SHPRH: variants seen among roughly 807,000 people sequenced by gnomAD.
SHPRH encodes E3 ubiquitin-protein ligase SHPRH.
SHPRH carries 106 observed loss-of-function variants against 202.5 expected under a neutral mutation model. That is an observed-to-expected ratio of 0.52 (90% CI 0.45 to 0.62). The LOEUF is 0.62. Among genes scored for constraint, SHPRH ranks in the 20% least tolerant of loss-of-function variants. The pLI is 0.00. For synonymous variants in SHPRH, 729 were observed against 686.0 expected (o/e 1.06, Z -0.98); for missense variants, 1,710 against 2,020.0 (o/e 0.85, Z 2.94).
intron 2 of SHPRH, among the ~76,000 whole-genome samples, chr6:145,872,513 G>A (rs546185700): frequency 1.3e-5 from 2 of 152,134 alleles, no homozygotes; most frequent in African/African-American, 4.8e-5. Flanking sequence ...ATTCAGGATG[G>A]TGATTATTAA....
intron 11 of SHPRH, among the ~76,000 whole-genome samples, chr6:145,940,445 T>C (rs1455986211): frequency 6.7e-6 from 1 of 148,664 alleles, no homozygotes; most frequent in Non-Finnish European, 1.5e-5. Context: ...CTAATTTTAA[T>C]TCAGACCTAT....
chr6:145,948,436 A>G lies in SHPRH; in HGVS notation c.983-86T>C. 3 of 1,013,520 alleles carry G rather than the reference A, an allele frequency of 3.0e-6. No homozygotes were observed. The South Asian group carries it at 5.2e-5, about 18-fold the overall frequency. The allele number at this position is 1,013,520 out of a possible 1,614,324, so 62.8% of individuals were successfully genotyped here. A position where few individuals can be genotyped will look rare whatever the true frequency, so the allele number is the denominator to read the frequency against. ...TTAAAAAAAGAATAGGTTAACAGTG[A>G]GGATACTCTGGCATAGTGATACCCA... On this transcript the variant is annotated intron_variant, in intron 4 of 29. Transcript: ENST00000275233.
At chr6:145,917,936 C>G (rs1010290737) in intron 23 of SHPRH, 195 bp downstream of exon 23, 13 of 417,862 alleles carry the variant, frequency 3.1e-5, no homozygotes, top group Non-Finnish European at 5.6e-5. Context: ...TCTATATCAT[C>G]TGCATAATAA....
chr6:145,877,139 A>T (rs935126303), intron 2 of SHPRH, among the ~76,000 whole-genome samples: 39 of 152,226 alleles, frequency 2.6e-4, no homozygotes, highest in African/African-American at 9.2e-4. Context: ...CAGACTGTTC[A>T]TATGAGTTTT....
At chr6:145,912,930 G>A (rs1384340849) in intron 24 of SHPRH, among the ~76,000 whole-genome samples, 1 of 151,886 alleles carries the variant, frequency 6.6e-6, no homozygotes, top group Non-Finnish European at 1.5e-5. Flanking sequence ...GGAGAATATG[G>A]TTCTACCATG....
intron 23 of SHPRH, among the ~76,000 whole-genome samples, chr6:145,915,389 T>C (rs528668475): frequency 2.6e-5 from 4 of 151,966 alleles, no homozygotes; most frequent in Admixed American, 6.6e-5. Flanking sequence ...TCTTCATTCC[T>C]TACTGTAGTT....
chr6:145,931,331 TTTTAA>T (rs1487923335), intron 14 of SHPRH, among the ~76,000 whole-genome samples: 1 of 151,834 alleles, frequency 6.6e-6, no homozygotes, highest in Non-Finnish European at 1.5e-5. Context: ...TTTTGAAGAT[TTTTAA>T]TTTATTATTT....
chr6:145,911,758 T>C lies in SHPRH; in HGVS notation c.4327-1122A>G, dbSNP rs535709254. 7.2e-5 allele frequency among the ~76,000 whole-genome samples: 11 copies of C among 152,194 alleles called. No individual in the cohort carries two copies. The South Asian group carries it at 2.3e-3, about 32-fold the overall frequency. ...AGATTCTTTGCTGGATCATCTAAGATGCTCTTTGGAAAAGAACTCACATTG... is the reference window on the plus strand; with the variant it reads ...AGATTCTTTGCTGGATCATCTAAGACGCTCTTTGGAAAAGAACTCACATTG... On this transcript the variant is annotated intron_variant, in intron 24 of 29. Transcript: ENST00000275233.
intron 11 of SHPRH, among the ~76,000 whole-genome samples, chr6:145,938,311 AGAT>A (rs1786341679): frequency 6.6e-6 from 1 of 152,112 alleles, no homozygotes; most frequent in South Asian, 2.1e-4. Flanking sequence ...TTCCACCATG[AGAT>A]GATCCTCGCC....
chr6:145,961,433 G>C (rs1482230250), intron 1 of SHPRH, among the ~76,000 whole-genome samples: 1 of 152,312 alleles, frequency 6.6e-6, no homozygotes, highest in Non-Finnish European at 1.5e-5. Flanking sequence ...AAAGTATAGA[G>C]TAGTTGAGAA....
At chr6:145,946,445 T>C (rs1294689003) in intron 6 of SHPRH, 104 bp from the exon 7 acceptor site, 2 of 925,662 alleles carry the variant, frequency 2.2e-6, no homozygotes, top group Non-Finnish European at 3.1e-6. Flanking sequence ...AAAACAGTTC[T>C]AAAAAAATTG....
At chr6:145,908,732 T>G (rs1452399486) in intron 25 of SHPRH, 1 of 152,218 alleles carries the variant, frequency 6.6e-6, no homozygotes, top group Non-Finnish European at 1.5e-5. Flanking sequence ...ATAATTTCTT[T>G]TGCTCTGCAG....
At chr6:145,961,880 A>C (rs550981706) in intron 1 of SHPRH, among the ~76,000 whole-genome samples, 1 of 152,334 alleles carries the variant, frequency 6.6e-6, no homozygotes, top group African/African-American at 2.4e-5. Context: ...TAACTTCTTG[A>C]ACCAAAGAAA....
At chr6:145,884,434 C>G (rs1780819127), downstream of SHPRH, 1 of 152,104 alleles carries the variant, frequency 6.6e-6, no homozygotes, top group Non-Finnish European at 1.5e-5. Flanking sequence ...AAATGATTCT[C>G]CAGGTCCAAA....
At chr6:145,939,133 T>A (rs910714081) in intron 11 of SHPRH, among the ~76,000 whole-genome samples, 3 of 152,078 alleles carry the variant, frequency 2.0e-5, no homozygotes, top group Non-Finnish European at 2.9e-5. Context: ...GAGTAAGTCA[T>A]GAGCAGGCTA....
At chr6:145,864,708 A>C (rs1779694664) in intron 2 of SHPRH, among the ~76,000 whole-genome samples, 1 of 151,938 alleles carries the variant, frequency 6.6e-6, no homozygotes, top group Non-Finnish European at 1.5e-5. Flanking sequence ...AGGTTAAAAA[A>C]AAAGAGAAAC....
intron 3 of SHPRH, 121 bp downstream of exon 3, chr6:145,952,228 A>C: frequency 1.1e-6 from 1 of 892,678 alleles, no homozygotes; most frequent in East Asian, 2.8e-5. Context: ...TTTGCCATAT[A>C]ATCATTTAAT....
chr6:145,935,907 T>C (rs1241692651), intron 11 of SHPRH: 1 of 153,238 alleles, frequency 6.5e-6, no homozygotes, highest in African/African-American at 2.4e-5. Flanking sequence ...ATAATTCTCC[T>C]AGAAAAGAAG....
intron 2 of SHPRH, chr6:145,864,575 G>T: frequency 5.6e-6 from 1 of 177,108 alleles, no homozygotes; most frequent in Non-Finnish European, 1.3e-5. Context: ...GAAAGAGGCT[G>T]TATTTAGCAA....
Sources: gnomAD v4.1 joint callset for allele counts (sites outside exome capture counted in the v4.1 genomes callset) on GRCh38, gnomAD v4.1.1 for gene constraint, MANE v1.5 for transcripts, NCBI Gene and HGNC (gene_info 2026-07-23, HGNC 2026-07-21) for gene names.